PRKG1: variants seen among roughly 807,000 people sequenced by gnomAD.
PRKG1 encodes protein kinase cGMP-dependent 1.
Under a neutral mutation model 88.1 loss-of-function variants are expected in PRKG1, and 35 were observed. The ratio of observed to expected loss-of-function variants is 0.40; its 90% CI spans 0.30 to 0.53. The LOEUF (loss-of-function observed/expected upper bound fraction) is 0.53. PRKG1 is among the 20% of genes least tolerant of loss of function. The pLI, the probability that PRKG1 is intolerant of heterozygous loss-of-function variation, is 0.59. For missense variants in PRKG1, 540 were observed against 839.8 expected, an observed-to-expected ratio of 0.64 and a Z score of 4.41; for synonymous variants, 303 against 292.5, an observed-to-expected ratio of 1.04 and a Z score of -0.37.
Position 52,296,339 on chromosome 10 carries a change from G to A in PRKG1, c.*2439G>A, listed in dbSNP as rs1304088655. On this transcript the variant is annotated 3_prime_UTR_variant, in exon 18 of 18. Coordinates refer to ENST00000373980, the MANE Select transcript of PRKG1 (RefSeq NM_006258.4). Reference sequence around the variant, plus strand: ...AAACTGTAGATTGTTTCTCCCACTTGTTACTGCATCTTTGTTCATTTCACC... The same window carrying A: ...AAACTGTAGATTGTTTCTCCCACTTATTACTGCATCTTTGTTCATTTCACC... The A allele has an allele frequency of 1.3e-5, 2 of 152,000 alleles. No homozygotes were observed. The highest frequency in any genetic ancestry group is 2.9e-5 in the Non-Finnish European group (2 of 67,926). 9.4% of individuals were successfully genotyped at this position (152,000 alleles called of 1,614,324 possible).
At chr10:51,531,339 T>A (rs563108054) in intron 3 of PRKG1, among the ~76,000 whole-genome samples, 2 of 152,312 alleles carry the variant, frequency 1.3e-5, no homozygotes, top group South Asian at 4.1e-4. Context: ...TGGCACTGTA[T>A]AACTGTATTC....
At chr10:52,073,448 C>T (rs1014013966) in intron 7 of PRKG1, among the ~76,000 whole-genome samples, 13 of 152,264 alleles carry the variant, frequency 8.5e-5, no homozygotes, top group African/African-American at 2.4e-4. Flanking sequence ...ATATCATTGC[C>T]GCAGTCTCAT....
chr10:51,009,273 T>C (rs1842968369), intron 1 of PRKG1, among the ~76,000 whole-genome samples: 1 of 152,216 alleles, frequency 6.6e-6, no homozygotes, highest in Non-Finnish European at 1.5e-5. Flanking sequence ...TTTGGTGTAT[T>C]TATCTAACTA....
intron 5 of PRKG1, among the ~76,000 whole-genome samples, chr10:51,990,268 G>T (rs1411926934): frequency 6.6e-6 from 1 of 152,036 alleles, no homozygotes; most frequent in Non-Finnish European, 1.5e-5. Context: ...GTACTGTGTT[G>T]CCTGTAGGTA....
chr10:52,050,029 G>A (rs1416249681), intron 5 of PRKG1, among the ~76,000 whole-genome samples: 1 of 148,588 alleles, frequency 6.7e-6, no homozygotes, highest in Non-Finnish European at 1.5e-5. Flanking sequence ...TAGCCAGAAT[G>A]TGTGTGTGTG....
intron 7 of PRKG1, among the ~76,000 whole-genome samples, chr10:52,104,950 AT>A (rs1224080989): frequency 6.6e-5 from 10 of 152,290 alleles, no homozygotes. Context: ...CATATTTTCA[AT>A]TTCATTTGAC....
chr10:51,435,580 T>G (rs924092208), intron 2 of PRKG1, among the ~76,000 whole-genome samples: 5 of 151,986 alleles, frequency 3.3e-5, no homozygotes, highest in African/African-American at 1.2e-4. Flanking sequence ...TTGGCCTCTT[T>G]TGTTTGAAAT....
chr10:51,146,184 G>A (rs1218941301), intron 1 of PRKG1, among the ~76,000 whole-genome samples: 1 of 148,834 alleles, frequency 6.7e-6, no homozygotes, highest in African/African-American at 2.5e-5. Flanking sequence ...ACAAGACTCT[G>A]TCTCAAAAAA....
chr10:51,271,311 C>G (rs1293422278), intron 2 of PRKG1, among the ~76,000 whole-genome samples: 1 of 150,878 alleles, frequency 6.6e-6, no homozygotes, highest in Non-Finnish European at 1.5e-5. Context: ...TAAATTCTTT[C>G]CTTGCCAAAA....
chr10:51,699,322 G>A (rs865933483), intron 3 of PRKG1: 2 of 1,614,098 alleles, frequency 1.2e-6, no homozygotes, highest in Non-Finnish European at 1.7e-6. Context: ...GCCCATTGAG[G>A]TTCCGCATGG....
At chr10:51,701,830 C>T (rs529916654) in intron 3 of PRKG1, among the ~76,000 whole-genome samples, 6 of 152,140 alleles carry the variant, frequency 3.9e-5, no homozygotes, top group Non-Finnish European at 8.8e-5. Context: ...ACTGCTGATA[C>T]TGTCTAAACC....
intron 2 of PRKG1, among the ~76,000 whole-genome samples, chr10:51,223,284 A>T (rs897949790): frequency 4.6e-5 from 7 of 152,188 alleles, no homozygotes; most frequent in African/African-American, 1.4e-4. Flanking sequence ...AGTTATAAAA[A>T]AGTTCAAAAT....
At chr10:51,100,450 G>A (rs559365234) in intron 1 of PRKG1, among the ~76,000 whole-genome samples, 15 of 152,200 alleles carry the variant, frequency 9.9e-5, no homozygotes, top group Admixed American at 3.9e-4. Context: ...ATTCACTGCC[G>A]AATTGCCTGC....
At chr10:52,217,338 A>ATC (rs61004427) in intron 9 of PRKG1, among the ~76,000 whole-genome samples, 1,504 of 48,418 alleles carry the variant, frequency 0.031, 23 homozygotes, top group African/African-American at 0.064. Context: ...GTACACATTT[A>ATC]TATATCTATC....
At chr10:52,233,855 G>A (rs1004297909) in intron 9 of PRKG1, among the ~76,000 whole-genome samples, 3 of 152,066 alleles carry the variant, frequency 2.0e-5, no homozygotes, top group African/African-American at 7.2e-5. Context: ...TCCACCTCTG[G>A]GGGCAGGGCA....
chr10:51,183,547 T>C (rs895373378), intron 2 of PRKG1, among the ~76,000 whole-genome samples: 1 of 99,108 alleles, frequency 1.0e-5, no homozygotes, highest in African/African-American at 7.1e-5. Flanking sequence ...TGGGATATGT[T>C]GTATTGTTGC....
chr10:52,075,895 T>C (rs1338613405), intron 7 of PRKG1, among the ~76,000 whole-genome samples: 1 of 152,172 alleles, frequency 6.6e-6, no homozygotes, highest in South Asian at 2.1e-4. Flanking sequence ...CCCACTTTCA[T>C]GACCTCATCT....
intron 3 of PRKG1, among the ~76,000 whole-genome samples, chr10:51,573,012 A>G (rs1156315268): frequency 2.0e-5 from 3 of 151,848 alleles, no homozygotes; most frequent in Non-Finnish European, 4.4e-5. Context: ...TTAAGATTTA[A>G]CATTGTAGAT....
chr10:51,643,669 T>C (rs1254718537), intron 3 of PRKG1, among the ~76,000 whole-genome samples: 1 of 152,200 alleles, frequency 6.6e-6, no homozygotes, highest in Non-Finnish European at 1.5e-5. Context: ...CTTTCTTTGG[T>C]GTCAAAGTAA....
Sources: gnomAD v4.1 joint callset for allele counts (sites outside exome capture counted in the v4.1 genomes callset) on GRCh38, gnomAD v4.1.1 for gene constraint, MANE v1.5 for transcripts, NCBI Gene and HGNC (gene_info 2026-07-23, HGNC 2026-07-21) for gene names.